PDHX: variants seen among roughly 807,000 people sequenced by gnomAD.
PDHX encodes the protein pyruvate dehydrogenase complex component X, also known as pyruvate dehydrogenase protein X component, mitochondrial.
A neutral mutation model predicts 55.3 loss-of-function variants in PDHX; 33 were observed. The ratio of observed to expected loss-of-function variants is 0.60; its 90% CI spans 0.45 to 0.80. The LOEUF is 0.80. Among genes scored for constraint, PDHX ranks in the 30% least tolerant of loss-of-function variants. The pLI, the probability that PDHX is intolerant of heterozygous loss-of-function variation, is 0.00. For missense variants in PDHX, 622 were observed against 619.9 expected (o/e 1.00, Z -0.04); for synonymous variants, 226 against 219.4 (o/e 1.03, Z -0.27).
intron 7 of PDHX, among the ~76,000 whole-genome samples, chr11:34,970,794 T>A (rs1456569804): frequency 6.6e-6 from 1 of 152,212 alleles, no homozygotes; most frequent in Non-Finnish European, 1.5e-5. Flanking sequence ...AAACAGTAAA[T>A]GTAATATTAC....
At chr11:34,970,050 A>G in intron 6 of PDHX, 89 bp from the exon 7 acceptor site, 1 of 1,088,994 alleles carries the variant, frequency 9.2e-7, no homozygotes, top group Non-Finnish European at 1.4e-6. Flanking sequence ...TTGAGAATGA[A>G]TTTCTTTTCA....
At chr11:34,983,471 A>C (rs531010186) in intron 8 of PDHX, among the ~76,000 whole-genome samples, 1 of 152,342 alleles carries the variant, frequency 6.6e-6, no homozygotes, top group South Asian at 2.1e-4. Flanking sequence ...TTAGGAAAAG[A>C]AGAAGTCAAA....
chr11:34,928,023 G>A (rs1854063899), intron 1 of PDHX, among the ~76,000 whole-genome samples: 1 of 152,044 alleles, frequency 6.6e-6, no homozygotes, highest in African/African-American at 2.4e-5. Flanking sequence ...TAACTTGAAA[G>A]ATAATAATAA....
chr11:34,985,615 A>G (rs1564932715), intron 9 of PDHX, among the ~76,000 whole-genome samples: 1 of 152,220 alleles, frequency 6.6e-6, no homozygotes. Flanking sequence ...GTAATTTCCA[A>G]GGGTATTTTT....
intron 2 of PDHX, among the ~76,000 whole-genome samples, chr11:34,941,587 A>G (rs1031555499): frequency 6.6e-6 from 1 of 152,214 alleles, no homozygotes; most frequent in African/African-American, 2.4e-5. Context: ...GATAAAAACT[A>G]GCTCTCTTCC....
intron 3 of PDHX, among the ~76,000 whole-genome samples, chr11:34,949,285 G>C: frequency 7.5e-6 from 1 of 133,690 alleles, no homozygotes; most frequent in East Asian, 2.0e-4. Flanking sequence ...TTTTGCTCTT[G>C]TTGCCCAGGC....
At position 34,970,227 on chromosome 11, in the gene PDHX, A is replaced by G. The variant is rs1855229533; in HGVS notation, c.905A>G (p.Tyr302Cys). 4.3e-6 allele frequency: 7 copies of G among 1,613,366 alleles called. No individual in the cohort carries two copies. Among genetic ancestry groups the G allele is most frequent in the Non-Finnish European group, 5.9e-6 (7 of 1,179,320 alleles). ...TCTAAAAGTACTGTACCTCATGCAT[A>G]TGCTACTGCTGACTGTGACCTTGGA... ...TESKSTVPHA[Y>C]ATADCDLGAV... Residue 302 changes from tyrosine to cysteine, a missense_variant, in exon 7 of 11, where the codon TAT becomes TGT. Physicochemically the swap from Tyr to Cys is radical, Grantham distance 194. Coordinates refer to ENST00000227868, the MANE Select transcript of PDHX (RefSeq NM_003477.3).
chr11:34,982,381 C>G (rs1245458889), intron 8 of PDHX, among the ~76,000 whole-genome samples: 3 of 151,980 alleles, frequency 2.0e-5, no homozygotes, highest in Non-Finnish European at 4.4e-5. Context: ...CAAGAGCAAA[C>G]AAATTCAAAA....
chr11:34,983,433 G>T (rs1212024959), intron 8 of PDHX, among the ~76,000 whole-genome samples: 8 of 152,156 alleles, frequency 5.3e-5, no homozygotes, highest in Admixed American at 5.2e-4. Context: ...GGGCAATCAG[G>T]CAGGAGAAAG....
At chr11:34,957,000 G>T (rs999865497) in intron 3 of PDHX, among the ~76,000 whole-genome samples, 2 of 152,234 alleles carry the variant, frequency 1.3e-5, no homozygotes, top group African/African-American at 2.4e-5. Flanking sequence ...TAAAGCCATT[G>T]CATAGAAACT....
intron 10 of PDHX, 114 bp from the exon 11 acceptor site, chr11:34,994,799 TA>T (rs1855824203): frequency 2.8e-6 from 3 of 1,066,280 alleles, no homozygotes; most frequent in South Asian, 1.3e-5. Context: ...ATTACTCATA[TA>T]TTTTTTTCTT....
intron 5 of PDHX, 121 bp from the exon 6 acceptor site, chr11:34,966,519 A>G (rs1855133549): frequency 1.1e-6 from 1 of 938,086 alleles, no homozygotes; most frequent in South Asian, 1.4e-5. Flanking sequence ...CTGGTTTTTA[A>G]TTATAACCTT....
chr11:34,942,284 C>G (rs1257722544), intron 2 of PDHX, among the ~76,000 whole-genome samples: 1 of 152,106 alleles, frequency 6.6e-6, no homozygotes, highest in African/African-American at 2.4e-5. Context: ...GTAGACATGA[C>G]AGAATATGGA....
Position 34,970,222 on chromosome 11 carries a change from T to C in PDHX, c.900T>C (p.His300=). The stretch of plus-strand genomic sequence containing the variant: ...CTGAATCTAAAAGTACTGTACCTCA[T>C]GCATATGCTACTGCTGACTGTGACC... ...RLTESKSTVP[H]AYATADCDLG... is the part of the protein sequence containing the mutation. Residue 300 remains histidine, a synonymous_variant, in exon 7 of 11, where the codon CAT becomes CAC. Transcript: ENST00000227868. The C allele has an allele frequency of 6.2e-7, 1 of 1,612,998 alleles. No individual in the cohort carries two copies. Among genetic ancestry groups the C allele is most frequent in the Non-Finnish European group, 8.5e-7 (1 of 1,178,980 alleles).
rs147267124 is a variant in PDHX, at chr11:34,963,039, A to G, written c.641+2521A>G. Among the ~76,000 whole-genome samples, 514 of 152,222 alleles carry G rather than the reference A, an allele frequency of 3.4e-3. 1 individual carries two copies. The highest frequency in any genetic ancestry group is 0.014 in the Middle Eastern group (4 of 294). ...GAAAGGCATCAGCCTTTGGTCTTCA[A>G]AATAAGAACTAGTACAAAAGATTTC... On this transcript the variant is annotated intron_variant, in intron 5 of 10. Coordinates refer to ENST00000227868, the MANE Select transcript of PDHX (RefSeq NM_003477.3).
intron 7 of PDHX, among the ~76,000 whole-genome samples, chr11:34,972,691 G>A (rs1167148793): frequency 1.3e-5 from 2 of 151,956 alleles, no homozygotes; most frequent in Admixed American, 1.3e-4. Context: ...GAGCCACCAC[G>A]CCTGGCATTA....
chr11:34,949,858 T>G (rs1854714390), intron 3 of PDHX, among the ~76,000 whole-genome samples: 1 of 152,178 alleles, frequency 6.6e-6, no homozygotes, highest in Non-Finnish European at 1.5e-5. Context: ...ATATATTTAT[T>G]GATAGATTTT....
chr11:34,927,738 G>C (rs192303343), intron 1 of PDHX, among the ~76,000 whole-genome samples: 269 of 152,206 alleles, frequency 1.8e-3, no homozygotes, highest in African/African-American at 5.9e-3. Context: ...GGATAGATTA[G>C]TTAGAATAAC....
intron 4 of PDHX, among the ~76,000 whole-genome samples, chr11:34,959,842 A>G (rs547616032): frequency 6.6e-6 from 1 of 152,278 alleles, no homozygotes; most frequent in East Asian, 1.9e-4. Context: ...TGAGTTACCT[A>G]GAGTAGTCAA....
Sources: allele counts gnomAD v4.1 joint callset (sites outside exome capture counted in the v4.1 genomes callset), GRCh38; gene constraint gnomAD v4.1.1; transcripts MANE v1.5; gene names NCBI Gene and HGNC (gene_info 2026-07-23, HGNC 2026-07-21).